Variants in CACNA1S observed in about 807,000 individuals in gnomAD.
CACNA1S encodes the protein voltage-dependent L-type calcium channel subunit alpha-1S.
CACNA1S carries 126 observed loss-of-function variants against 207.4 expected under a neutral mutation model. That is an observed-to-expected ratio of 0.61 (90% confidence interval 0.53 to 0.70). CACNA1S has a LOEUF of 0.70. Among genes scored for constraint, CACNA1S ranks in the 30% least tolerant of loss-of-function variants. CACNA1S has a pLI of 0.00. For missense variants in CACNA1S, 2,349 were observed against 2,422.8 expected (o/e 0.97, Z 0.64); for synonymous variants, 960 against 932.7 (o/e 1.03, Z -0.53).
chr1:201,079,324 AG>A (rs1661759779), intron 10 of CACNA1S, among the ~76,000 whole-genome samples: 1 of 151,866 alleles, frequency 6.6e-6, no homozygotes, highest in African/African-American at 2.4e-5. Flanking sequence ...TACTCTCTCC[AG>A]GGGCATCGAT....
chr1:201,090,725 T>C (rs577352694), intron 5 of CACNA1S, among the ~76,000 whole-genome samples: 1 of 152,308 alleles, frequency 6.6e-6, no homozygotes, highest in African/African-American at 2.4e-5. Context: ...CTGTCTCTCA[T>C]TCTCTCAACA....
At chr1:201,077,811 G>T (rs115708836) in intron 11 of CACNA1S, 68 bp downstream of exon 11, 4 of 1,042,568 alleles carry the variant, frequency 3.8e-6, no homozygotes, top group Non-Finnish European at 5.9e-6. Context: ...AAATGAGATG[G>T]GTGTAGACCA....
chr1:201,085,713 T>C, intron 7 of CACNA1S, 132 bp from the exon 8 acceptor site: 2 of 1,018,144 alleles, frequency 2.0e-6, no homozygotes, highest in Non-Finnish European at 2.9e-6. Flanking sequence ...GGGTGTTGCC[T>C]GGGGTCCAGG....
At chr1:201,089,696 C>T (rs1428800364) in intron 5 of CACNA1S, among the ~76,000 whole-genome samples, 2 of 152,226 alleles carry the variant, frequency 1.3e-5, no homozygotes, top group East Asian at 1.9e-4. Flanking sequence ...GGCCTCATGG[C>T]AGGGTCGGCT....
Position 201,089,376 on chromosome 1 carries a change from C to G in CACNA1S, c.782G>C (p.Cys261Ser). 1 of 1,614,260 alleles carries G rather than the reference C, an allele frequency of 6.2e-7. No individual in the cohort carries two copies. Among genetic ancestry groups the G allele is most frequent in the African/African-American group, 1.3e-5 (1 of 75,072 alleles). ...GRRCTINGSE[C>S]RGGWPGPNHG... ...GTTGGGCCCTGGCCAGCCGCCCCGG[C>G]ACTCACTGCCATTGATGGTGCACCG... The change falls in exon 6 of 44, where the codon TGC becomes TCC. Residue 261 changes from cysteine to serine, a missense_variant. Cys to Ser is a moderately radical substitution (Grantham distance 112, BLOSUM62 -1). Coordinates refer to ENST00000362061, the MANE Select transcript of CACNA1S (RefSeq NM_000069.3).
chr1:201,101,098 T>G (rs750264257), intron 2 of CACNA1S, among the ~76,000 whole-genome samples: 1 of 152,200 alleles, frequency 6.6e-6, no homozygotes, highest in Admixed American at 6.5e-5. Flanking sequence ...GTAAAGATCA[T>G]GTACTATGAG....
chr1:201,073,840 G>T (rs1335503850), intron 14 of CACNA1S, among the ~76,000 whole-genome samples, 198 bp from the exon 15 acceptor site: 1 of 152,198 alleles, frequency 6.6e-6, no homozygotes. Context: ...CACACAGCAT[G>T]GGCCCATGGC....
At chr1:201,072,083 C>A (rs1475425535) in intron 16 of CACNA1S, among the ~76,000 whole-genome samples, 2 of 152,168 alleles carry the variant, frequency 1.3e-5, no homozygotes, top group Non-Finnish European at 2.9e-5. Context: ...GGACCCAGGA[C>A]CCAGAGAGTT....
chr1:201,057,173 A>T (rs1660877829), intron 28 of CACNA1S, among the ~76,000 whole-genome samples: 1 of 152,224 alleles, frequency 6.6e-6, no homozygotes, highest in South Asian at 2.1e-4. Context: ...AAGGGCCTAG[A>T]TGATCTGGCC....
intron 2 of CACNA1S, among the ~76,000 whole-genome samples, chr1:201,105,768 G>A (rs141613124): frequency 1.4e-3 from 217 of 152,266 alleles, no homozygotes; most frequent in African/African-American, 5.0e-3. Context: ...CAGGAAACCC[G>A]GGCCCCAAGT....
At chr1:201,085,259 G>A (rs1318686050) in intron 8 of CACNA1S, among the ~76,000 whole-genome samples, 177 bp downstream of exon 8, 1 of 152,154 alleles carries the variant, frequency 6.6e-6, no homozygotes, top group Non-Finnish European at 1.5e-5. Context: ...AAGTACCTTT[G>A]GGAAGAGCTC....
At chr1:201,085,317 G>T in intron 8 of CACNA1S, 119 bp downstream of exon 8, 1 of 1,394,254 alleles carries the variant, frequency 7.2e-7, no homozygotes, top group Non-Finnish European at 1.0e-6. Context: ...CTTTAGGCAA[G>T]TCACTCACCC....
In CACNA1S at chr1:201,066,234, A is replaced by G; in HGVS notation, c.2740T>C (p.Leu914=). The part of the protein sequence containing the change: ...PLRAINRAKG[L]KHVVQCMFVA... ...CTGCCCGGGCCCTCTCTCACCTTCAACCCCTTGGCTCTGTTGATGGCTCTG... is the reference window on the plus strand; with the variant it reads ...CTGCCCGGGCCCTCTCTCACCTTCAGCCCCTTGGCTCTGTTGATGGCTCTG... The change falls in exon 21 of 44, where the codon TTG becomes CTG. Residue 914 remains leucine, a synonymous_variant. Transcript: ENST00000362061. This position sits in a 1 kb window ranked among gnomAD's most constrained non-coding sequence, Gnocchi z 4.3. The G allele has an allele frequency of 6.2e-7, 1 of 1,612,668 alleles. No individual in the cohort carries two copies. The highest frequency in any genetic ancestry group is 1.1e-5 in the South Asian group (1 of 90,958).
chr1:201,085,230 C>G (rs186230454), intron 8 of CACNA1S, among the ~76,000 whole-genome samples, 199 bp from the exon 9 acceptor site: 2 of 152,106 alleles, frequency 1.3e-5, no homozygotes, highest in East Asian at 1.9e-4. Context: ...GCAGGGGAGG[C>G]GCTATGAGGA....
At chr1:201,058,590 G>A (rs1660931620) in intron 27 of CACNA1S, 99 bp from the exon 28 acceptor site, 1 of 980,962 alleles carries the variant, frequency 1.0e-6, no homozygotes, top group African/African-American at 1.6e-5. Context: ...CTAATGCGGA[G>A]CTGCGGGTTA....
chr1:201,085,229 G>A (rs1376218871), intron 8 of CACNA1S, among the ~76,000 whole-genome samples, 198 bp from the exon 9 acceptor site: 1 of 152,166 alleles, frequency 6.6e-6, no homozygotes, highest in East Asian at 1.9e-4. Flanking sequence ...TGCAGGGGAG[G>A]CGCTATGAGG....
At position 201,039,745 on chromosome 1, in the gene CACNA1S, G is replaced by A. The variant is rs1004430180; in HGVS notation, c.*86C>T. The stretch of plus-strand genomic sequence containing the variant: ...TGCTGAGAGGGAGGGAGGCTGCTGC[G>A]GTGGGCTAGCCCTTCTCCACCCCAG... On this transcript the variant is annotated 3_prime_UTR_variant, in exon 44 of 44. Coordinates refer to ENST00000362061, the MANE Select transcript of CACNA1S (RefSeq NM_000069.3). 53 of 1,565,518 alleles carry A rather than the reference G, an allele frequency of 3.4e-5. No homozygotes were observed. The highest frequency in any genetic ancestry group is 1.8e-4 in the Middle Eastern group (1 of 5,662).
chr1:201,043,576 G>A (rs140692882), intron 39 of CACNA1S, 45 bp from the exon 40 acceptor site: 2 of 1,570,942 alleles, frequency 1.3e-6, no homozygotes, highest in Non-Finnish European at 1.8e-6. Context: ...AGGGCAGGGA[G>A]GGCATGGGGG....
In CACNA1S at chr1:201,062,600, A is replaced by G. The variant is rs1156421037; in HGVS notation, c.2854-86T>C. The G allele has an allele frequency of 9.2e-6, 11 of 1,193,858 alleles. No individual in the cohort carries two copies. The African/African-American group carries it at 1.5e-4, about 16-fold the overall frequency. 74.0% of individuals were successfully genotyped at this position (1,193,858 alleles called of 1,614,324 possible). A position where few individuals can be genotyped will look rare whatever the true frequency, so the allele number is the denominator to read the frequency against. ...AGTGGGCTCTGGGAGTGAACAGTGG[A>G]AGGGGGGAGGGAAGGCAGGCATCTG... On this transcript the variant is annotated intron_variant, in intron 22 of 43. Coordinates refer to ENST00000362061, the MANE Select transcript of CACNA1S (RefSeq NM_000069.3).
Sources: gnomAD v4.1 joint callset for allele counts (sites outside exome capture counted in the v4.1 genomes callset) on GRCh38, gnomAD v4.1.1 for gene constraint, Gnocchi (gnomAD v3.1) non-coding constraint, MANE v1.5 for transcripts, NCBI Gene and HGNC (gene_info 2026-07-23, HGNC 2026-07-21) for gene names.